GRXCR1: variants seen among roughly 807,000 people sequenced by gnomAD.
GRXCR1 encodes the protein glutaredoxin and cysteine rich domain containing 1.
Under a neutral mutation model 27.3 loss-of-function variants are expected in GRXCR1, and 27 were observed. The observed-to-expected ratio is 0.99, with a 90% CI of 0.73 to 1.37. The LOEUF (loss-of-function observed/expected upper bound fraction) is 1.37. GRXCR1 is among the 40% of genes most tolerant of loss of function. GRXCR1 has a pLI of 0.00. For missense variants in GRXCR1, 379 were observed against 354.4 expected (o/e 1.07, Z -0.56); for synonymous variants, 122 against 131.1 (o/e 0.93, Z 0.47).
chr4:43,021,536 A>C (rs1254331857), intron 3 of GRXCR1, among the ~76,000 whole-genome samples: 1 of 152,226 alleles, frequency 6.6e-6, no homozygotes, highest in Non-Finnish European at 1.5e-5. Context: ...TCATTCAACA[A>C]ACATTTATTA....
chr4:43,005,403 G>A (rs1712523918), intron 2 of GRXCR1, among the ~76,000 whole-genome samples: 1 of 152,276 alleles, frequency 6.6e-6, no homozygotes, highest in African/African-American at 2.4e-5. Flanking sequence ...TTGTTGTGGT[G>A]AAACAATTTT....
intron 2 of GRXCR1, among the ~76,000 whole-genome samples, chr4:42,986,665 T>C (rs1274415296): frequency 6.6e-6 from 1 of 152,190 alleles, no homozygotes; most frequent in Non-Finnish European, 1.5e-5. Context: ...TGACTTATAA[T>C]AAACAGAAAG....
At chr4:43,000,856 G>A (rs975783115) in intron 2 of GRXCR1, among the ~76,000 whole-genome samples, 10 of 152,004 alleles carry the variant, frequency 6.6e-5, no homozygotes, top group African/African-American at 1.5e-4. Context: ...TTACCAATTC[G>A]TATATTTTTA....
chr4:42,935,757 AG>A (rs1747441060), intron 1 of GRXCR1, among the ~76,000 whole-genome samples: 1 of 151,280 alleles, frequency 6.6e-6, no homozygotes, highest in Non-Finnish European at 1.5e-5. Flanking sequence ...AAAATTATTT[AG>A]ATTAAAGTTC....
intron 2 of GRXCR1, among the ~76,000 whole-genome samples, chr4:42,986,317 G>T (rs555403611): frequency 6.6e-6 from 1 of 152,176 alleles, no homozygotes; most frequent in African/African-American, 2.4e-5. Flanking sequence ...GAAGTGAGGG[G>T]CTCATTGTGA....
At chr4:42,940,110 G>A (rs1273943794) in intron 1 of GRXCR1, among the ~76,000 whole-genome samples, 1 of 151,928 alleles carries the variant, frequency 6.6e-6, no homozygotes, top group East Asian at 1.9e-4. Context: ...AGCCATGGGA[G>A]GATCTTTCTG....
chr4:42,981,450 T>C (rs1190411239), intron 2 of GRXCR1, among the ~76,000 whole-genome samples: 1 of 152,170 alleles, frequency 6.6e-6, no homozygotes, highest in Non-Finnish European at 1.5e-5. Flanking sequence ...ATTTTAACCT[T>C]CATATGAAAG....
At chr4:42,974,279 A>G (rs1042267753) in intron 2 of GRXCR1, among the ~76,000 whole-genome samples, 4 of 152,108 alleles carry the variant, frequency 2.6e-5, no homozygotes, top group Non-Finnish European at 5.9e-5. Context: ...GCATTCTTTG[A>G]TGAGTCATCT....
At chr4:43,015,033 A>T (rs1712888977) in intron 2 of GRXCR1, among the ~76,000 whole-genome samples, 1 of 152,172 alleles carries the variant, frequency 6.6e-6, no homozygotes, top group African/African-American at 2.4e-5. Context: ...GTTTGAAAGG[A>T]TGCATACGAG....
chr4:42,918,807 A>C lies in GRXCR1; in HGVS notation c.384+25157A>C, dbSNP rs369258854. Reference sequence around the variant, plus strand: ...CCTAGGATCAAGCTGGACAGGATAAATTCACTCTATCCTGTAGATAGAAGA... The same window carrying C: ...CCTAGGATCAAGCTGGACAGGATAACTTCACTCTATCCTGTAGATAGAAGA... On this transcript the variant is annotated intron_variant, in intron 1 of 3. Transcript: ENST00000399770. Among the ~76,000 whole-genome samples the C allele has an allele frequency of 5.1e-4, 77 of 152,176 alleles. 2 individuals carry two copies. The South Asian group carries it at 0.012, about 24-fold the overall frequency.
intron 1 of GRXCR1, among the ~76,000 whole-genome samples, chr4:42,956,305 T>G (rs1748002585): frequency 1.3e-5 from 2 of 152,112 alleles, no homozygotes; most frequent in Admixed American, 1.3e-4. Context: ...CTGTCTCAGA[T>G]GCTTCCATCC....
chr4:42,923,630 T>A (rs1408106654), intron 1 of GRXCR1, among the ~76,000 whole-genome samples: 1 of 152,106 alleles, frequency 6.6e-6, no homozygotes, highest in East Asian at 1.9e-4. Flanking sequence ...TAATTCCTTT[T>A]CTTCCTAGCC....
At chr4:42,919,497 T>A (rs76803422) in intron 1 of GRXCR1, among the ~76,000 whole-genome samples, 2,176 of 152,258 alleles carry the variant, frequency 0.014, 57 homozygotes, top group African/African-American at 0.049. Context: ...TACAAAACTT[T>A]ATTCCTTTCC....
chr4:42,971,432 G>A (rs1355689417), intron 2 of GRXCR1, among the ~76,000 whole-genome samples: 1 of 152,088 alleles, frequency 6.6e-6, no homozygotes, highest in Admixed American at 6.6e-5. Context: ...GAAAAACAGA[G>A]GTTTAATTGA....
chr4:43,014,214 C>T (rs891454097), intron 2 of GRXCR1, among the ~76,000 whole-genome samples: 2 of 152,158 alleles, frequency 1.3e-5, no homozygotes, highest in African/African-American at 4.8e-5. Context: ...CTGCCTTGAA[C>T]ATTTTCCAGG....
intron 1 of GRXCR1, among the ~76,000 whole-genome samples, chr4:42,928,126 G>A (rs1402743499): frequency 6.6e-6 from 1 of 151,946 alleles, no homozygotes; most frequent in Non-Finnish European, 1.5e-5. Context: ...CCGATGGGTA[G>A]AGAGTTACAG....
At chr4:42,980,736 A>G (rs1748641700) in intron 2 of GRXCR1, among the ~76,000 whole-genome samples, 1 of 152,074 alleles carries the variant, frequency 6.6e-6, no homozygotes, top group East Asian at 1.9e-4. Flanking sequence ...GGGATAGTGA[A>G]GTCTCCTACT....
chr4:43,002,310 C>G (rs1339306775), intron 2 of GRXCR1, among the ~76,000 whole-genome samples: 4 of 152,046 alleles, frequency 2.6e-5, no homozygotes, highest in African/African-American at 9.7e-5. Flanking sequence ...ACCCCGCTTT[C>G]AAGGGCAGAG....
chr4:42,894,012 A>G (rs67886233), intron 1 of GRXCR1, among the ~76,000 whole-genome samples: 39,842 of 152,084 alleles, frequency 0.26, 6,352 homozygotes, highest in Non-Finnish European at 0.36. Context: ...TCCTTGAAAT[A>G]CCAGTGTAGC....
Sources: gnomAD v4.1 joint callset for allele counts (sites outside exome capture counted in the v4.1 genomes callset) on GRCh38, gnomAD v4.1.1 for gene constraint, MANE v1.5 for transcripts, NCBI Gene and HGNC (gene_info 2026-07-23, HGNC 2026-07-21) for gene names.